The following EEPD1 variants were observed in gnomAD, a reference collection of about 807,000 sequenced individuals.
EEPD1 encodes the protein endonuclease/exonuclease/phosphatase family domain containing 1, also known as endonuclease/exonuclease/phosphatase family domain-containing protein 1.
EEPD1 carries 17 observed loss-of-function variants against 46.3 expected under a neutral mutation model. That is an observed-to-expected ratio of 0.37 (90% CI 0.25 to 0.55). The LOEUF is 0.55. Among genes scored for constraint, EEPD1 ranks in the 20% least tolerant of loss-of-function variants. EEPD1 has a pLI of 0.83. For synonymous variants in EEPD1, 313 were observed against 315.6 expected, an observed-to-expected ratio of 0.99 and a Z score of 0.09; for missense variants, 673 against 745.6, an observed-to-expected ratio of 0.90 and a Z score of 1.13.
chr7:36,185,466 G>A (rs1785348109), intron 2 of EEPD1, among the ~76,000 whole-genome samples: 1 of 152,164 alleles, frequency 6.6e-6, no homozygotes, highest in Non-Finnish European at 1.5e-5. Flanking sequence ...TAACATTCTT[G>A]TATCTGTCTG....
intron 3 of EEPD1, among the ~76,000 whole-genome samples, chr7:36,246,986 C>T (rs539780105): frequency 6.6e-6 from 1 of 152,050 alleles, no homozygotes; most frequent in African/African-American, 2.4e-5. Flanking sequence ...ATTAGCCAGG[C>T]GTGGTGGCAC....
chr7:36,172,553 G>A (rs1286315239), intron 2 of EEPD1, among the ~76,000 whole-genome samples: 11 of 150,922 alleles, frequency 7.3e-5, no homozygotes, highest in Non-Finnish European at 1.5e-4. Context: ...CAGGCTGCAT[G>A]CAGCCCAGGA....
rs886552795 is a variant in EEPD1, at chr7:36,154,861, G to A, written c.537G>A (p.Arg179=). The A allele has an allele frequency of 6.2e-7, 1 of 1,614,096 alleles. No individual in the cohort carries two copies. The highest frequency in any genetic ancestry group is 1.3e-5 in the African/African-American group (1 of 74,926). ...GPFRSVEDLV[R]MDGINAAFLD... Reference sequence around the variant, plus strand: ...TTCGCAGCGTTGAGGACCTAGTGAGGATGGATGGTATCAATGCCGCCTTCC... The same window carrying A: ...TTCGCAGCGTTGAGGACCTAGTGAGAATGGATGGTATCAATGCCGCCTTCC... Residue 179 remains arginine (R), a synonymous_variant, in exon 2 of 8, where the codon AGG becomes AGA. Coordinates refer to ENST00000242108, the MANE Select transcript of EEPD1 (RefSeq NM_030636.3). This position sits in a 1 kb window ranked among gnomAD's most constrained non-coding sequence, Gnocchi z 4.2.
At chr7:36,212,520 A>G in intron 2 of EEPD1, among the ~76,000 whole-genome samples, 1 of 149,752 alleles carries the variant, frequency 6.7e-6, no homozygotes, top group Middle Eastern at 3.4e-3. Context: ...TATAACCATT[A>G]AAAATATTTT....
chr7:36,273,731 C>T (rs1255973572), intron 3 of EEPD1, among the ~76,000 whole-genome samples: 4 of 152,138 alleles, frequency 2.6e-5, no homozygotes, highest in Non-Finnish European at 5.9e-5. Context: ...TCCCCCCATC[C>T]CTTTGCTTAA....
intron 3 of EEPD1, among the ~76,000 whole-genome samples, chr7:36,239,855 G>T (rs552695948): frequency 2.6e-5 from 4 of 152,350 alleles, no homozygotes; most frequent in East Asian, 1.9e-4. Flanking sequence ...CTTCCTGCAT[G>T]TGTAGCCGCA....
intron 2 of EEPD1, among the ~76,000 whole-genome samples, chr7:36,167,911 C>T (rs991674679): frequency 6.6e-6 from 1 of 152,044 alleles, no homozygotes; most frequent in African/African-American, 2.4e-5. Flanking sequence ...GATGGGGTTT[C>T]GCCACATTGG....
intron 2 of EEPD1, among the ~76,000 whole-genome samples, chr7:36,159,401 T>A (rs919699365): frequency 6.6e-6 from 1 of 152,214 alleles, no homozygotes; most frequent in Non-Finnish European, 1.5e-5. Flanking sequence ...AGACGTAACA[T>A]CTGGGGACAG....
At chr7:36,257,968 A>G (rs1470564766) in intron 3 of EEPD1, among the ~76,000 whole-genome samples, 3 of 152,046 alleles carry the variant, frequency 2.0e-5, no homozygotes, top group Admixed American at 2.0e-4. Flanking sequence ...GGATTTATCT[A>G]CCTTTGGTCT....
rs564504106 is a variant in EEPD1 at position 36,193,510 on chromosome 7, G to T, written c.878+38308G>T. 5.3e-5 allele frequency among the ~76,000 whole-genome samples: 8 copies of T among 152,252 alleles called. No homozygotes were observed. The South Asian group carries it at 6.2e-4, about 12-fold the overall frequency. ...AAGGCAGAGGCAGAGGGAGGCCATG[G>T]GAAGCACCCAGGGCTGGGCTCTGGG... On this transcript the variant is annotated intron_variant, in intron 2 of 7. Transcript: ENST00000242108. This position sits in a 1 kb window ranked among gnomAD's most constrained non-coding sequence, Gnocchi z 4.9.
chr7:36,172,617 G>GTTTTTTT (rs70977113), intron 2 of EEPD1, among the ~76,000 whole-genome samples: 3 of 100,078 alleles, frequency 3.0e-5, no homozygotes, highest in African/African-American at 3.9e-5. Flanking sequence ...AATATTATGA[G>GTTTTTTT]TTTTTTTTTT....
intron 2 of EEPD1, among the ~76,000 whole-genome samples, chr7:36,235,698 G>T (rs1786420005): frequency 6.6e-6 from 1 of 152,238 alleles, no homozygotes; most frequent in African/African-American, 2.4e-5. Flanking sequence ...CCCTTTGCAA[G>T]CGATGGCTTT....
At chr7:36,162,647 AAAAAG>A (rs1354010785) in intron 2 of EEPD1, among the ~76,000 whole-genome samples, 1 of 152,212 alleles carries the variant, frequency 6.6e-6, no homozygotes, top group African/African-American at 2.4e-5. Flanking sequence ...TGTCTTAAAA[AAAAAG>A]AAAAGAAAGA....
At chr7:36,224,901 T>C (rs1335049712) in intron 2 of EEPD1, among the ~76,000 whole-genome samples, 1 of 151,810 alleles carries the variant, frequency 6.6e-6, no homozygotes, top group Non-Finnish European at 1.5e-5. Flanking sequence ...TTATACTGGG[T>C]CATCTATGTG....
At chr7:36,172,334 C>A (rs1446701771) in intron 2 of EEPD1, among the ~76,000 whole-genome samples, 2 of 152,146 alleles carry the variant, frequency 1.3e-5, no homozygotes, top group East Asian at 3.9e-4. Flanking sequence ...CTGTCTCATA[C>A]CCTGAGAGAA....
At chr7:36,279,942 G>A (rs1787235222) in intron 3 of EEPD1, among the ~76,000 whole-genome samples, 1 of 152,222 alleles carries the variant, frequency 6.6e-6, no homozygotes. Context: ...TGACCCCCGT[G>A]AGAGAAGACA....
At chr7:36,276,508 T>C (rs1787184981) in intron 3 of EEPD1, among the ~76,000 whole-genome samples, 2 of 152,188 alleles carry the variant, frequency 1.3e-5, no homozygotes, top group Non-Finnish European at 2.9e-5. Flanking sequence ...GGGCTCAGTA[T>C]ATTGCCTCAT....
intron 2 of EEPD1, among the ~76,000 whole-genome samples, chr7:36,160,840 T>A (rs554739343): frequency 1.3e-5 from 2 of 152,290 alleles, no homozygotes; most frequent in South Asian, 4.1e-4. Context: ...GTGGATAGTG[T>A]GAGATTCAGC....
At chr7:36,270,372 A>G (rs1048498098) in intron 3 of EEPD1, among the ~76,000 whole-genome samples, 4 of 152,116 alleles carry the variant, frequency 2.6e-5, no homozygotes, top group African/African-American at 7.2e-5. Flanking sequence ...GGTTTGTTAC[A>G]TAGGTATACA....
Sources: gnomAD v4.1 joint callset for allele counts (sites outside exome capture counted in the v4.1 genomes callset) on GRCh38, gnomAD v4.1.1 for gene constraint, Gnocchi (gnomAD v3.1) non-coding constraint, MANE v1.5 for transcripts, NCBI Gene and HGNC (gene_info 2026-07-23, HGNC 2026-07-21) for gene names.